KAZN: variants seen among roughly 807,000 people sequenced by gnomAD.
KAZN encodes the protein kazrin, periplakin interacting protein, also known as kazrin.
Under a neutral mutation model 87.4 loss-of-function variants are expected in KAZN, and 40 were observed. That is an observed-to-expected ratio of 0.46 (90% CI 0.36 to 0.60). KAZN has a LOEUF of 0.60. KAZN is among the 20% of genes least tolerant of loss of function. The pLI is 0.00. For synonymous variants in KAZN, 466 were observed against 458.3 expected (o/e 1.02, Z -0.22); for missense variants, 898 against 1,073.9 (o/e 0.84, Z 2.29).
intron 2 of KAZN, among the ~76,000 whole-genome samples, chr1:14,547,929 G>A (rs1277229832): frequency 6.6e-6 from 1 of 151,656 alleles, no homozygotes. Flanking sequence ...ACCAAAGTTA[G>A]GATCTAAAAC....
At chr1:14,041,280 G>T (rs533898355) in intron 1 of KAZN, among the ~76,000 whole-genome samples, 6 of 152,038 alleles carry the variant, frequency 3.9e-5, no homozygotes, top group Non-Finnish European at 8.8e-5. Flanking sequence ...ACGTTTTGTT[G>T]TAATTACTAT....
At position 14,127,291 on chromosome 1, in the gene KAZN, T is replaced by G. The variant is rs149866817; in HGVS notation, c.92-53144T>G. 1.8e-3 allele frequency among the ~76,000 whole-genome samples: 272 copies of G among 152,220 alleles called. 4 individuals are homozygous for G. In the East Asian group the frequency reaches 0.032, roughly 18 times the overall value. On this transcript the variant is annotated intron_variant, in intron 1 of 16. Coordinates refer to the KAZN transcript ENST00000636203. ...ATAAAAAGAAAAATGAGGGAGCGATTTAACATAGGACAGGCCAGATCTGAA... is the reference window on the plus strand; with the variant it reads ...ATAAAAAGAAAAATGAGGGAGCGATGTAACATAGGACAGGCCAGATCTGAA...
intron 1 of KAZN, among the ~76,000 whole-genome samples, chr1:14,697,980 T>G (rs1282730972): frequency 1.3e-5 from 2 of 151,932 alleles, no homozygotes; most frequent in Non-Finnish European, 2.9e-5. Context: ...TGAGGTAGAG[T>G]AGCCGGAAAA....
intron 2 of KAZN, among the ~76,000 whole-genome samples, chr1:14,246,300 G>A (rs1395191740): frequency 6.6e-6 from 1 of 151,674 alleles, no homozygotes; most frequent in Non-Finnish European, 1.5e-5. Flanking sequence ...TGGCAAACCT[G>A]CACATCCTGA....
At chr1:13,972,266 T>C (rs7515235) in intron 1 of KAZN, among the ~76,000 whole-genome samples, 31,359 of 147,234 alleles carry the variant, frequency 0.21, 3,548 homozygotes, top group East Asian at 0.39. Context: ...CTTTTTTTCT[T>C]TTTTCTTTTC....
At chr1:14,956,353 A>G (rs1663101644) in intron 1 of KAZN, among the ~76,000 whole-genome samples, 2 of 150,606 alleles carry the variant, frequency 1.3e-5, no homozygotes, top group African/African-American at 4.9e-5. Context: ...TAATCCCAGC[A>G]CTTTGGGAGG....
At chr1:15,034,528 G>T (rs914420265) in intron 2 of KAZN, among the ~76,000 whole-genome samples, 1 of 152,234 alleles carries the variant, frequency 6.6e-6, no homozygotes, top group East Asian at 1.9e-4. Context: ...GATTGACACA[G>T]CTGAGAGGGG....
intron 1 of KAZN, among the ~76,000 whole-genome samples, chr1:14,033,527 A>G (rs1047399909): frequency 6.6e-6 from 1 of 152,260 alleles, no homozygotes; most frequent in South Asian, 2.1e-4. Context: ...CCCTAGGGAC[A>G]GGGCTGCAAG....
At chr1:14,974,761 A>T (rs1665427407) in intron 2 of KAZN, among the ~76,000 whole-genome samples, 1 of 152,206 alleles carries the variant, frequency 6.6e-6, no homozygotes, top group Non-Finnish European at 1.5e-5. Flanking sequence ...ATGCATGCTA[A>T]TCTACAGGGA....
intron 2 of KAZN, among the ~76,000 whole-genome samples, chr1:14,199,241 C>T (rs1475988493): frequency 1.3e-5 from 2 of 152,110 alleles, no homozygotes; most frequent in Non-Finnish European, 2.9e-5. Flanking sequence ...AGTGACCAAC[C>T]ATCCAGTTTC....
intron 1 of KAZN, among the ~76,000 whole-genome samples, chr1:13,934,164 C>T (rs1285682357): frequency 6.6e-6 from 1 of 152,168 alleles, no homozygotes; most frequent in Non-Finnish European, 1.5e-5. Context: ...GAATGATCAC[C>T]AGACTCACAG....
chr1:14,659,997 A>C (rs1417054912), intron 1 of KAZN, among the ~76,000 whole-genome samples: 1 of 152,148 alleles, frequency 6.6e-6, no homozygotes, highest in Non-Finnish European at 1.5e-5. Context: ...AGGGCATCAT[A>C]ATTTTGTTTT....
intron 2 of KAZN, among the ~76,000 whole-genome samples, chr1:14,411,007 C>T (rs141514720): frequency 1.3e-5 from 2 of 152,116 alleles, no homozygotes; most frequent in African/African-American, 2.4e-5. Flanking sequence ...CCCTAGGAAA[C>T]GAACACAACA....
rs142004949 is a variant in KAZN at position 14,177,029 on chromosome 1, G to A, written c.92-3406G>A. On this transcript the variant is annotated intron_variant, in intron 1 of 16. Transcript: ENST00000636203. ...AAAAATTAGCTGGGTGTGGTGGTGC[G>A]TGCCTGTAGTCCCAGCTACTCGGGA... Among the ~76,000 whole-genome samples, 1,101 of 152,074 alleles carry A rather than the reference G, an allele frequency of 7.2e-3. 19 individuals are homozygous for A. Among genetic ancestry groups the A allele is most frequent in the African/African-American group, 0.025 (1,044 of 41,478 alleles).
Position 14,874,519 on chromosome 1 carries a change from T to TGGATGGAC in KAZN, c.227-86162_227-86161insTGGACGGA, listed in dbSNP as rs778467642. Among the ~76,000 whole-genome samples, 940 of 144,592 alleles carry TGGATGGAC rather than the reference T, an allele frequency of 6.5e-3. 12 individuals carry two copies. The highest frequency in any genetic ancestry group is 0.028 in the South Asian group (130 of 4,662). 94.9% of individuals were successfully genotyped at this position (144,592 alleles called of 152,430 possible). ...ATGGATGGATGGATGGATGGATGGA[T>TGGATGGAC]GGACAGATGGATGGAAGGCTAACTT... On this transcript the variant is annotated intron_variant, in intron 1 of 14. Coordinates refer to ENST00000376030, the MANE Select transcript of KAZN (RefSeq NM_201628.3).
intron 2 of KAZN, among the ~76,000 whole-genome samples, chr1:14,590,073 C>T (rs927871588): frequency 1.3e-5 from 2 of 152,062 alleles, no homozygotes; most frequent in Non-Finnish European, 2.9e-5. Context: ...CTCACCAAAT[C>T]GAATGCACCT....
intron 1 of KAZN, among the ~76,000 whole-genome samples, chr1:14,853,921 G>A (rs1649765238): frequency 6.6e-6 from 1 of 152,230 alleles, no homozygotes; most frequent in South Asian, 2.1e-4. Context: ...GAAGAGGAAA[G>A]TCAGCATGAA....
intron 1 of KAZN, among the ~76,000 whole-genome samples, chr1:14,753,440 G>A (rs939205301): frequency 2.0e-5 from 3 of 152,062 alleles, no homozygotes; most frequent in African/African-American, 7.2e-5. Context: ...TAAAACATGA[G>A]AGAGGCTGGG....
intron 1 of KAZN, among the ~76,000 whole-genome samples, chr1:14,014,964 T>C (rs1018192319): frequency 3.3e-5 from 5 of 152,222 alleles, no homozygotes; most frequent in African/African-American, 1.2e-4. Context: ...TAATTTATTA[T>C]AATTTTATGA....
Sources: allele counts gnomAD v4.1 joint callset (sites outside exome capture counted in the v4.1 genomes callset), GRCh38; gene constraint gnomAD v4.1.1; transcripts MANE v1.5; gene names NCBI Gene and HGNC (gene_info 2026-07-23, HGNC 2026-07-21).